RYR1: variants seen among roughly 807,000 people sequenced by gnomAD.
RYR1 encodes the protein central core disease of muscle.
RYR1 carries 342 observed loss-of-function variants against 583.5 expected under a neutral mutation model. The observed-to-expected ratio is 0.59, with a 90% CI of 0.54 to 0.64. The LOEUF (loss-of-function observed/expected upper bound fraction) is 0.64. Ranked by LOEUF, RYR1 falls within the 30% of genes least tolerant of loss-of-function variation. RYR1 has a pLI of 0.00. For missense variants in RYR1, 6,032 were observed against 6,917.2 expected, an observed-to-expected ratio of 0.87 and a Z score of 4.54; for synonymous variants, 2,791 against 2,822.5, an observed-to-expected ratio of 0.99 and a Z score of 0.35.
At chr19:38,558,457 CATAA>C (rs2145821671) in intron 89 of RYR1, among the ~76,000 whole-genome samples, 1 of 152,216 alleles carries the variant, frequency 6.6e-6, no homozygotes, top group Non-Finnish European at 1.5e-5. Context: ...TCATCTACCC[CATAA>C]ATAAATACAA....
chr19:38,581,447 C>T (rs1483423624), intron 101 of RYR1, among the ~76,000 whole-genome samples: 3 of 152,052 alleles, frequency 2.0e-5, no homozygotes, highest in African/African-American at 4.8e-5. Context: ...CTGCCTGTGC[C>T]GTCGTGATCT....
chr19:38,526,655 CAA>C (rs1054800032), intron 71 of RYR1, among the ~76,000 whole-genome samples: 1 of 151,188 alleles, frequency 6.6e-6, no homozygotes, highest in South Asian at 2.1e-4. Context: ...TTCTGATCTT[CAA>C]AGACTCCCTG....
chr19:38,467,623 C>A lies in RYR1; in HGVS notation c.3192C>A (p.Asn1064Lys). The A allele has an allele frequency of 6.2e-7, 1 of 1,614,210 alleles. No individual in the cohort carries two copies. The highest frequency in any genetic ancestry group is 1.1e-5 in the South Asian group (1 of 91,084). ...CCTCATTTATAGGTCAGGTGGAGAA[C>A]CAGTCTCGTTGTGACCGGGTGCGCA... ...PPDQEPSQVE[N>K]QSRCDRVRIF... is the part of the protein sequence containing the mutation. The change falls in exon 25 of 106, where the codon AAC (asparagine) becomes AAA (lysine). Residue 1064 changes from asparagine to lysine, a missense_variant. Asn to Lys is a moderately conservative substitution (Grantham distance 94). Coordinates refer to ENST00000359596, the MANE Select transcript of RYR1 (RefSeq NM_000540.3).
intron 42 of RYR1, among the ~76,000 whole-genome samples, chr19:38,497,960 C>T (rs535987230): frequency 1.5e-4 from 23 of 151,806 alleles, no homozygotes; most frequent in African/African-American, 4.6e-4. Context: ...AGGGACAGAG[C>T]GAGACCCCTT....
At position 38,586,519 on chromosome 19, in the gene RYR1, C is replaced by T; in HGVS notation, c.14970-6C>T. 1 of 1,613,928 alleles carries T rather than the reference C, an allele frequency of 6.2e-7. No homozygotes were observed. Among genetic ancestry groups the T allele is most frequent in the Non-Finnish European group, 8.5e-7 (1 of 1,179,854 alleles). ...GACTTGTCTCCTGTGGTCCTCTCAC[C>T]CTCAGGTTTTTCCTGATGTATTTGA... On this transcript the variant is annotated splice_region_variant and splice_polypyrimidine_tract_variant and intron_variant, in intron 104 of 105. Coordinates refer to ENST00000359596, the MANE Select transcript of RYR1 (RefSeq NM_000540.3).
Position 38,490,133 on chromosome 19 carries a change from C to T in RYR1, c.5872C>T (p.Leu1958=). The T allele has an allele frequency of 6.2e-7, 1 of 1,614,230 alleles. No individual in the cohort carries two copies. Among genetic ancestry groups the T allele is most frequent in the African/African-American group, 1.3e-5 (1 of 75,076 alleles). The change falls in exon 36 of 106, where the codon CTG becomes TTG. Residue 1958 remains leucine (L), a synonymous_variant. Transcript: ENST00000359596. Reference sequence around the variant, plus strand: ...AGAGCTGCAGCACCGTGTGGAGTCCCTGGCAGCCTTTGCGGAGCGCTATGT... The same window carrying T: ...AGAGCTGCAGCACCGTGTGGAGTCCTTGGCAGCCTTTGCGGAGCGCTATGT... The part of the protein sequence containing the change: ...DQELQHRVES[L]AAFAERYVDK...
At position 38,511,888 on chromosome 19, in the gene RYR1, G is replaced by A. The variant is rs533248330; in HGVS notation, c.9173-184G>A. Among the ~76,000 whole-genome samples, 3 of 152,160 alleles carry A rather than the reference G, an allele frequency of 2.0e-5. No homozygotes were observed. The East Asian group carries it at 5.8e-4, about 29-fold the overall frequency. On this transcript the variant is annotated intron_variant, in intron 61 of 105. Coordinates refer to ENST00000359596, the MANE Select transcript of RYR1 (RefSeq NM_000540.3). ...GGGCAGGAGGAAGGCCAGGAGAGTG[G>A]TTGGGCTGGGGAGGAGGGACATTTG...
rs1969329849 is a variant in RYR1, at chr19:38,486,999, A to G, written c.5547+797A>G. On this transcript the variant is annotated intron_variant, in intron 34 of 105. Coordinates refer to ENST00000359596, the MANE Select transcript of RYR1 (RefSeq NM_000540.3). ...TGCCCATCCATCTTTTCATTCATTC[A>G]TACAGCAGTCCATCTACCATTCCAT... Among the ~76,000 whole-genome samples, 4 of 152,162 alleles carry G rather than the reference A, an allele frequency of 2.6e-5. No individual in the cohort carries two copies. The South Asian group carries it at 8.3e-4, about 32-fold the overall frequency.
chr19:38,490,372 C>A, intron 36 of RYR1, 96 bp downstream of exon 36: 1 of 1,219,474 alleles, frequency 8.2e-7, no homozygotes. Flanking sequence ...CCTCTAAACC[C>A]GTGCTTGACC....
chr19:38,532,618 G>A (rs1393420139), intron 77 of RYR1, 53 bp from the exon 78 acceptor site: 2 of 1,613,554 alleles, frequency 1.2e-6, no homozygotes, highest in African/African-American at 1.3e-5. Context: ...AAGGGCTGGG[G>A]CGGGATGGAG....
chr19:38,568,387 G>A (rs909435549), intron 93 of RYR1, among the ~76,000 whole-genome samples: 7 of 152,036 alleles, frequency 4.6e-5, no homozygotes, highest in Non-Finnish European at 1.0e-4. Context: ...GTGTTGGGAG[G>A]CAGGTCCCAG....
intron 74 of RYR1, 34 bp from the exon 75 acceptor site, chr19:38,528,565 C>G (rs375893217): frequency 2.5e-6 from 4 of 1,607,398 alleles, no homozygotes; most frequent in Non-Finnish European, 3.4e-6. Context: ...CGGAGGAGGG[C>G]GCGTCCCAGT....
chr19:38,483,732 C>A lies in RYR1; in HGVS notation c.4934+216C>A, dbSNP rs1388390445. ...CAACGCAGGAGGCTCTACACCATCC[C>A]AGTGGACCGCAGGCCCACCCTAAGG... On this transcript the variant is annotated intron_variant, in intron 33 of 105. Coordinates refer to ENST00000359596, the MANE Select transcript of RYR1 (RefSeq NM_000540.3). This position sits in a 1 kb window ranked among gnomAD's most constrained non-coding sequence, Gnocchi z 6.3. Among the ~76,000 whole-genome samples, 2 of 152,004 alleles carry A rather than the reference C, an allele frequency of 1.3e-5. No homozygotes were observed. Among genetic ancestry groups the A allele is most frequent in the Admixed American group, 6.6e-5 (1 of 15,254 alleles).
intron 102 of RYR1, 104 bp from the exon 103 acceptor site, chr19:38,585,834 G>T: frequency 7.3e-7 from 1 of 1,363,096 alleles, no homozygotes; most frequent in South Asian, 1.2e-5. Flanking sequence ...GGTGAGATTA[G>T]GGAAATGGGG....
Position 38,506,886 on chromosome 19 carries a change from C to T in RYR1, c.8750C>T (p.Ala2917Val), listed in dbSNP as rs1203303077. ...GACACGCTCACGGCCAAGGAGAAGG[C>T]ACGAGATCGAGAGAAGGCCCAGGAG... ...PYDTLTAKEK[A>V]RDREKAQELL... Residue 2917 changes from alanine (A) to valine (V), a missense_variant, in exon 57 of 106, where the codon GCA becomes GTA. Physicochemically the swap from Ala to Val is moderately conservative, Grantham distance 64 (BLOSUM62 0). Transcript: ENST00000359596. 2.5e-6 allele frequency: 4 copies of T among 1,613,646 alleles called. No homozygotes were observed. In the African/African-American group the frequency reaches 4.0e-5, roughly 16 times the overall value.
chr19:38,548,256 G>T lies in RYR1; in HGVS notation c.12118G>T (p.Ala4040Ser), dbSNP rs374441925. 6.2e-7 allele frequency: 1 copy of T among 1,614,102 alleles called. No homozygotes were observed. Among genetic ancestry groups the T allele is most frequent in the Non-Finnish European group, 8.5e-7 (1 of 1,180,048 alleles). ...LEGNVVNGMI[A>S]RQMVDMLVES... The stretch of plus-strand genomic sequence containing the variant: ...AGGGAACGTGGTGAACGGCATGATC[G>T]CCCGGCAGATGGTGGACATGCTCGT... The change falls in exon 89 of 106, where the codon GCC (alanine) becomes TCC (serine). Residue 4040 changes from alanine (A) to serine (S), a missense_variant. Coordinates refer to ENST00000359596, the MANE Select transcript of RYR1 (RefSeq NM_000540.3).
chr19:38,513,454 T>C (rs1468586527), intron 63 of RYR1, among the ~76,000 whole-genome samples: 1 of 152,170 alleles, frequency 6.6e-6, no homozygotes, highest in Non-Finnish European at 1.5e-5. Context: ...AAGACCAACC[T>C]GGGCAACATA....
intron 38 of RYR1, among the ~76,000 whole-genome samples, chr19:38,493,476 G>A (rs1969648628): frequency 6.6e-6 from 1 of 151,318 alleles, no homozygotes; most frequent in African/African-American, 2.4e-5. Flanking sequence ...GAAAGTCAAA[G>A]CCCCTGCCCA....
rs370434766 is a variant in RYR1, at chr19:38,492,442, A to G, written c.6128-48A>G. ...AATAAATGAGTGTGTAAGCAGGTGA[A>G]TAAGCAAACTAATGAATGACATTTC... On this transcript the variant is annotated intron_variant, in intron 37 of 105. Transcript: ENST00000359596. 547 of 1,609,568 alleles carry G rather than the reference A, an allele frequency of 3.4e-4. 2 individuals carry two copies. The highest frequency in any genetic ancestry group is 4.4e-4 in the Non-Finnish European group (512 of 1,176,330).
Sources: gnomAD v4.1 joint callset for allele counts (sites outside exome capture counted in the v4.1 genomes callset) on GRCh38, gnomAD v4.1.1 for gene constraint, Gnocchi (gnomAD v3.1) non-coding constraint, MANE v1.5 for transcripts, NCBI Gene and HGNC (gene_info 2026-07-23, HGNC 2026-07-21) for gene names.